The following TEX15 variants were observed in gnomAD, a reference collection of about 807,000 sequenced individuals.
TEX15 encodes testis expressed 15, meiosis and synapsis associated, also known as testis-expressed protein 15.
TEX15 carries 171 observed loss-of-function variants against 237.3 expected under a neutral mutation model. That is an observed-to-expected ratio of 0.72 (90% CI 0.64 to 0.82). TEX15 has a LOEUF of 0.82. TEX15 is among the 40% of genes least tolerant of loss of function. TEX15 has a pLI of 0.00. For synonymous variants in TEX15, 1,338 were observed against 1,269.8 expected (o/e 1.05, Z -1.14); for missense variants, 3,750 against 3,646.5 (o/e 1.03, Z -0.73).
chr8:30,840,298 C>T (rs1014948492), intron 8 of TEX15, among the ~76,000 whole-genome samples: 1 of 151,780 alleles, frequency 6.6e-6, no homozygotes, highest in African/African-American at 2.4e-5. Context: ...TGGGTGCAAG[C>T]GATTCTCCTG....
intron 2 of TEX15, among the ~76,000 whole-genome samples, chr8:30,894,587 G>T (rs1808857201): frequency 6.6e-6 from 1 of 152,158 alleles, no homozygotes. Flanking sequence ...TTCCACAAGG[G>T]TGCCAAGACC....
In TEX15 at chr8:30,872,981, G is replaced by GT. The variant is rs1261321110; in HGVS notation, c.302+1955dup. Among the ~76,000 whole-genome samples the GT allele has an allele frequency of 1.9e-4, 29 of 152,242 alleles. No individual in the cohort carries two copies. The South Asian group carries it at 2.7e-3, about 14-fold the overall frequency. On this transcript the variant is annotated intron_variant, in intron 4 of 10. Transcript: ENST00000643185. The stretch of plus-strand genomic sequence containing the variant: ...TACAGTGTTTATAATGTCTACAGTA[G>GT]TAACAGGTATACGATATAGTTGAGG...
chr8:30,839,062 C>T (rs10954765), intron 9 of TEX15, among the ~76,000 whole-genome samples: 31,059 of 151,776 alleles, frequency 0.2, 4,244 homozygotes, highest in African/African-American at 0.37. Context: ...GTGATCCGCC[C>T]GCCTTGGCCT....
intron 2 of TEX15, among the ~76,000 whole-genome samples, chr8:30,894,770 CAT>C (rs1808862160): frequency 6.6e-6 from 1 of 152,112 alleles, no homozygotes; most frequent in Non-Finnish European, 1.5e-5. Flanking sequence ...AAACAAAAAA[CAT>C]AAAGAAAAAG....
intron 1 of TEX15, among the ~76,000 whole-genome samples, chr8:30,900,071 T>G (rs1808979138): frequency 6.6e-6 from 1 of 152,064 alleles, no homozygotes. Context: ...AAGTTAAGCA[T>G]CCAAAAAAAG....
rs1017338707 is a variant in TEX15 at position 30,879,034 on chromosome 8, T to C, written c.137-3932A>G. ...ATGCATTTCCTTAATGGCTATGATGTTGAACATCTTTTGATAAGCCCATTT... is the reference window on the plus strand; with the variant it reads ...ATGCATTTCCTTAATGGCTATGATGCTGAACATCTTTTGATAAGCCCATTT... On this transcript the variant is annotated intron_variant, in intron 3 of 10. Transcript: ENST00000643185. 5.3e-5 allele frequency among the ~76,000 whole-genome samples: 8 copies of C among 152,266 alleles called. No homozygotes were observed. In the South Asian group the frequency reaches 6.2e-4, roughly 12 times the overall value.
At chr8:30,866,258 C>CA (rs1435057214) in intron 5 of TEX15, among the ~76,000 whole-genome samples, 1 of 144,302 alleles carries the variant, frequency 6.9e-6, no homozygotes, top group Non-Finnish European at 1.5e-5. Flanking sequence ...GCGACTGTCG[C>CA]AAAAAAAGGA....
At chr8:30,839,552 T>C (rs1235048592) in intron 9 of TEX15, among the ~76,000 whole-genome samples, 3 of 152,230 alleles carry the variant, frequency 2.0e-5, no homozygotes, top group Non-Finnish European at 4.4e-5. Context: ...TATCGTATCT[T>C]GTAAAGATAT....
At chr8:30,899,090 G>C (rs1808960447) in intron 1 of TEX15, among the ~76,000 whole-genome samples, 1 of 151,618 alleles carries the variant, frequency 6.6e-6, no homozygotes, top group African/African-American at 2.4e-5. Context: ...ATTCTCATCT[G>C]CTATCCAGAG....
At chr8:30,852,491 T>A (rs1473405484) in intron 7 of TEX15, among the ~76,000 whole-genome samples, 2 of 152,186 alleles carry the variant, frequency 1.3e-5, no homozygotes, top group Non-Finnish European at 2.9e-5. Context: ...CAGTAGAATC[T>A]TAATCTCTAT....
intron 3 of TEX15, among the ~76,000 whole-genome samples, chr8:30,885,958 ATT>A (rs1198615178): frequency 6.6e-6 from 1 of 152,004 alleles, no homozygotes; most frequent in African/African-American, 2.4e-5. Flanking sequence ...CTAGCTTTTC[ATT>A]TGTTTCAAAA....
chr8:30,908,710 C>G (rs1809158683), intron 1 of TEX15, among the ~76,000 whole-genome samples: 1 of 152,198 alleles, frequency 6.6e-6, no homozygotes, highest in South Asian at 2.1e-4. Context: ...GTTCATAAAA[C>G]TGAAATGTGT....
Position 30,848,128 on chromosome 8 carries a change from T to C in TEX15, c.2039A>G (p.Asp680Gly), listed in dbSNP as rs775113690. 1 of 1,609,168 alleles carries C rather than the reference T, an allele frequency of 6.2e-7. No homozygotes were observed. The highest frequency in any genetic ancestry group is 8.5e-7 in the Non-Finnish European group (1 of 1,177,988). ...TAACTCTTGAGTAATTAATATTTTA[T>C]CACAGCTTTTCCCAAAAGAATTATG... ...ESHNSFGKSC[D>G]KILITQELEI... is the part of the protein sequence containing the mutation. The change falls in exon 8 of 11, where the codon GAT becomes GGT. Residue 680 changes from aspartate (D) to glycine (G), a missense_variant. Physicochemically the swap from Asp to Gly is moderately conservative, Grantham distance 94. Coordinates refer to ENST00000643185, the MANE Select transcript of TEX15 (RefSeq NM_001350162.2).
intron 2 of TEX15, 83 bp from the exon 3 acceptor site, chr8:30,887,394 C>T (rs921317287): frequency 2.5e-6 from 3 of 1,181,288 alleles, no homozygotes; most frequent in South Asian, 2.3e-5. Flanking sequence ...AAAAGTTCTT[C>T]AACAAAAGTA....
chr8:30,846,772 T>C lies in TEX15; in HGVS notation c.3395A>G (p.Glu1132Gly), dbSNP rs745617017. ...TGTAGAGGAATAAAAATAGTTACTT[T>C]CCTTAGAATAATGCTGATCACTATT... ...RENSDQHYSK[E>G]SNYFYSSTQN... The change falls in exon 8 of 11, where the codon GAA (glutamate) becomes GGA (glycine). Residue 1132 changes from glutamate (E) to glycine (G), a missense_variant. By Grantham distance (98) the Glu-to-Gly change is moderately conservative (BLOSUM62 -2). Transcript: ENST00000643185. 15 of 1,613,826 alleles carry C rather than the reference T, an allele frequency of 9.3e-6. No individual in the cohort carries two copies. Among genetic ancestry groups the C allele is most frequent in the Admixed American group, 1.7e-5 (1 of 60,002 alleles).
intron 7 of TEX15, among the ~76,000 whole-genome samples, chr8:30,849,731 C>T (rs1807730595): frequency 6.6e-6 from 1 of 151,612 alleles, no homozygotes; most frequent in African/African-American, 2.4e-5. Context: ...TGAAACCCTG[C>T]TAAAATACAA....
chr8:30,845,791 CTT>C lies in TEX15; in HGVS notation c.4374_4375del (p.Arg1459SerfsTer5), dbSNP rs1807588664. The C allele has an allele frequency of 6.2e-7, 1 of 1,610,188 alleles. No individual in the cohort carries two copies. ...TTTAGAAATATCAGCTTTTGGAGCTCTTTTCTTTCTCCGTTTGTCATATTTTC... is the reference window on the plus strand; with the variant it reads ...TTTAGAAATATCAGCTTTTGGAGCTCTTCTTTCTCCGTTTGTCATATTTTC... On this transcript the variant is annotated frameshift_variant, in exon 8 of 11. Transcript: ENST00000643185. LOFTEE classifies it high-confidence loss of function.
At chr8:30,859,369 T>C (rs374846101) in intron 6 of TEX15, among the ~76,000 whole-genome samples, 6 of 152,092 alleles carry the variant, frequency 3.9e-5, no homozygotes, top group East Asian at 1.9e-4. Context: ...TTGCAAAGTA[T>C]AGAAGATCAA....
chr8:30,893,424 C>T (rs1808835201), intron 2 of TEX15, among the ~76,000 whole-genome samples: 1 of 152,288 alleles, frequency 6.6e-6, no homozygotes, highest in Middle Eastern at 3.4e-3. Flanking sequence ...GAATAATGGA[C>T]AGTACAATGA....
Sources: gnomAD v4.1 joint callset for allele counts (sites outside exome capture counted in the v4.1 genomes callset) on GRCh38, gnomAD v4.1.1 for gene constraint, MANE v1.5 for transcripts, NCBI Gene and HGNC (gene_info 2026-07-23, HGNC 2026-07-21) for gene names.